UBTF: variants seen among roughly 807,000 people sequenced by gnomAD.
UBTF encodes nucleolar transcription factor 1.
A neutral mutation model predicts 112.3 loss-of-function variants in UBTF; 8 were observed. The ratio of observed to expected loss-of-function variants is 0.07; its 90% CI spans 0.04 to 0.13. The LOEUF (loss-of-function observed/expected upper bound fraction) is 0.13, where lower values mean the gene tolerates loss of function less well. Among genes scored for constraint, UBTF ranks in the 10% least tolerant of loss-of-function variants. The pLI, the probability that UBTF is intolerant of heterozygous loss-of-function variation, is 1.00. For synonymous variants in UBTF, 417 were observed against 373.1 expected, an observed-to-expected ratio of 1.12 and a Z score of -1.36; for missense variants, 457 against 982.1, an observed-to-expected ratio of 0.47 and a Z score of 7.15.
rs1163448752 is a variant in UBTF, at chr17:44,209,719, C to G, written c.1641G>C (p.Glu547Asp). Reference protein sequence around the residue: ...DQKRYERELSEMRAPPAATNS... With the variant: ...DQKRYERELSDMRAPPAATNS... ...TTGTAGCAGCTGGAGGTGCCCGCAT[C>G]TCACTCAGCTCTCTCTGGAGGGAGA... Residue 547 changes from glutamate to aspartate, a missense_variant, in exon 16 of 21, where the codon GAG (glutamate) becomes GAC (aspartate). Glu to Asp is a conservative substitution (Grantham distance 45, BLOSUM62 2). This residue lies in a region of UBTF where 77 missense variants were observed against 211.9 expected (regional missense o/e 0.36). Transcript: ENST00000436088. 6.2e-7 allele frequency: 1 copy of G among 1,614,060 alleles called. No individual in the cohort carries two copies. Among genetic ancestry groups the G allele is most frequent in the Non-Finnish European group, 8.5e-7 (1 of 1,180,032 alleles).
chr17:44,208,522 C>G (rs2056427981), intron 17 of UBTF: 1 of 154,496 alleles, frequency 6.5e-6, no homozygotes, highest in South Asian at 1.9e-4. Flanking sequence ...GAGTCTTCCT[C>G]ACTCCAAAGA....
chr17:44,211,752 C>A lies in UBTF; in HGVS notation c.906-5G>T, dbSNP rs750154655. The A allele has an allele frequency of 1.9e-6, 3 of 1,604,850 alleles. No individual in the cohort carries two copies. The highest frequency in any genetic ancestry group is 1.7e-5 in the Admixed American group (1 of 59,906). ...CAGTACAGCGAGTAGCTGTTCCTAT[C>A]AGAGCCGCGGGGAGAGAGGTGCAGC... On this transcript the variant is annotated splice_polypyrimidine_tract_variant and splice_region_variant and intron_variant, in intron 9 of 20. Transcript: ENST00000436088. The surrounding 1 kb of genome is among the most constrained non-coding windows in gnomAD (Gnocchi z 4.9).
rs2047063102 is a variant in UBTF at position 44,219,609 on chromosome 17, GC to G, written c.-233del. On this transcript the variant is annotated 5_prime_UTR_variant, in exon 1 of 21. Coordinates refer to ENST00000436088, the MANE Select transcript of UBTF (RefSeq NM_014233.4). Reference sequence around the variant, plus strand: ...CGGCGCTGGGGCGGCGGCTGCTGCTGCTGTGGCGGCGGCGGCGGCGGCGGCG... The same window carrying G: ...CGGCGCTGGGGCGGCGGCTGCTGCTGTGTGGCGGCGGCGGCGGCGGCGGCG... 15 of 48,148 alleles carry G rather than the reference GC, an allele frequency of 3.1e-4. No individual in the cohort carries two copies. Among genetic ancestry groups the G allele is most frequent in the Non-Finnish European group, 4.9e-4 (15 of 30,340 alleles). 3.0% of individuals were successfully genotyped at this position (48,148 alleles called of 1,614,324 possible). A position where few individuals can be genotyped will look rare whatever the true frequency, so the allele number is the denominator to read the frequency against.
rs1026343701 is a variant in UBTF, at chr17:44,211,811, T to A, written c.905+62A>T. ...GAGCAGGGCAGCAGGCCTTCTCACCTGCAGAGCCCAGCCCAACTTCCCAGC... is the reference window on the plus strand; with the variant it reads ...GAGCAGGGCAGCAGGCCTTCTCACCAGCAGAGCCCAGCCCAACTTCCCAGC... On this transcript the variant is annotated intron_variant, in intron 9 of 20. Transcript: ENST00000436088. This position sits in a 1 kb window ranked among gnomAD's most constrained non-coding sequence, Gnocchi z 4.9. The A allele has an allele frequency of 1.9e-6, 3 of 1,600,912 alleles. No homozygotes were observed. Among genetic ancestry groups the A allele is most frequent in the African/African-American group, 2.7e-5 (2 of 74,780 alleles).
In UBTF at chr17:44,219,619, C is replaced by CGGCGGCTGCTGCTGCTGT. The variant is rs1555587200; in HGVS notation, c.-243_-242insACAGCAGCAGCAGCCGCC. On this transcript the variant is annotated 5_prime_UTR_variant, in exon 1 of 21. Transcript: ENST00000436088. ...GCGGCGGCTGCTGCTGCTGTGGCGG[C>CGGCGGCTGCTGCTGCTGT]GGCGGCGGCGGCGGCGGCTGTGGCT... 1 of 532 alleles carries CGGCGGCTGCTGCTGCTGT rather than the reference C, an allele frequency of 1.9e-3. No homozygotes were observed. Among genetic ancestry groups the CGGCGGCTGCTGCTGCTGT allele is most frequent in the Non-Finnish European group, 4.4e-3 (1 of 228 alleles). 0.0% of individuals were successfully genotyped at this position (532 alleles called of 1,614,324 possible).
At chr17:44,216,814 T>G in intron 2 of UBTF, 110 bp from the exon 3 acceptor site, 1 of 1,106,094 alleles carries the variant, frequency 9.0e-7, no homozygotes, top group Non-Finnish European at 1.3e-6. Context: ...CAGCCCCTGG[T>G]TGCTTCCCAT....
At position 44,211,326 on chromosome 17, in the gene UBTF, C is replaced by T; in HGVS notation, c.1053G>A (p.Lys351=). ...GGAGCAGCTCCACCTCGTAATCTTT[C>T]TTTTTCTGGGAAAGTGAGTGGAGTC... ...DAYHKKCDQK[K]KDYEVELLRF... Residue 351 remains lysine, a synonymous_variant, in exon 11 of 21, where the codon AAG becomes AAA. Transcript: ENST00000436088. The surrounding 1 kb of genome is among the most constrained non-coding windows in gnomAD (Gnocchi z 4.9). 1 of 1,614,164 alleles carries T rather than the reference C, an allele frequency of 6.2e-7. No individual in the cohort carries two copies. Among genetic ancestry groups the T allele is most frequent in the Middle Eastern group, 1.7e-4 (1 of 6,030 alleles).
At chr17:44,213,026 G>A (rs752182877) in intron 6 of UBTF, 87 bp from the exon 7 acceptor site, 149 of 1,574,728 alleles carry the variant, frequency 9.5e-5, no homozygotes, top group Non-Finnish European at 1.3e-4. Context: ...AGCCTCCTGG[G>A]CCTTTCAGCT....
rs2229285 is a variant in UBTF, at chr17:44,207,133, G to T, written c.*109C>A. The T allele has an allele frequency of 3.9e-5, 47 of 1,219,672 alleles. No individual in the cohort carries two copies. Among genetic ancestry groups the T allele is most frequent in the Non-Finnish European group, 5.1e-5 (45 of 875,166 alleles). The allele number at this position is 1,219,672 out of a possible 1,614,324, so 75.6% of individuals were successfully genotyped here. A position where few individuals can be genotyped will look rare whatever the true frequency, so the allele number is the denominator to read the frequency against. ...TTTTTTTTAAAGAAAGAAAGAAAGT[G>T]GGGGAGGCCAGGGGGGCAAGGGACA... On this transcript the variant is annotated 3_prime_UTR_variant, in exon 21 of 21. Transcript: ENST00000436088.
At chr17:44,215,308 T>C (rs2046792429) in intron 5 of UBTF, 2 of 236,256 alleles carry the variant, frequency 8.5e-6, no homozygotes, top group Admixed American at 5.1e-5. Flanking sequence ...AATGAGACCA[T>C]GACGGGAAAC....
chr17:44,218,127 G>GA (rs776770354), intron 2 of UBTF, 45 bp downstream of exon 2: 1 of 1,596,296 alleles, frequency 6.3e-7, no homozygotes. Context: ...AGCCACGAGG[G>GA]AAAGAGGGTT....
upstream of UBTF, chr17:44,221,066 C>T (rs2047165366): frequency 6.6e-6 from 1 of 151,114 alleles, no homozygotes; most frequent in Admixed American, 6.6e-5. Context: ...TCACCCCTTC[C>T]CTCCCACTGC....
upstream of UBTF, chr17:44,220,734 A>T (rs1368899295): frequency 1.3e-5 from 2 of 151,414 alleles, no homozygotes; most frequent in African/African-American, 4.9e-5. Flanking sequence ...TCCCGGGCTC[A>T]CTTACCGAGC....
chr17:44,213,300 T>TG lies in UBTF; in HGVS notation c.475-19dup, dbSNP rs2046671026. The TG allele has an allele frequency of 6.2e-7, 1 of 1,611,970 alleles. No homozygotes were observed. The highest frequency in any genetic ancestry group is 8.5e-7 in the Non-Finnish European group (1 of 1,178,998). On this transcript the variant is annotated intron_variant, in intron 5 of 20. Coordinates refer to ENST00000436088, the MANE Select transcript of UBTF (RefSeq NM_014233.4). ...TATTTCATCTGGGGGGAGGAGGGGA[T>TG]GGGGTCACTCAGGACCCAAGGGTAT...
In UBTF at chr17:44,207,886, G is replaced by A. The variant is rs2056364610; in HGVS notation, c.1931C>T (p.Ala644Val). Residue 644 changes from alanine (A) to valine (V), a missense_variant, in exon 18 of 21, where the codon GCA becomes GTA. Transcript: ENST00000436088. ...VKSLSPQDRAAYKEYISNKRK... is the reference protein window; with the variant it reads ...VKSLSPQDRAVYKEYISNKRK... The stretch of plus-strand genomic sequence containing the variant: ...CACATTGGAGATGTACTCTTTATAT[G>A]CTGCACGGTCCTGGGGAGACAGGCT... 1 of 1,613,822 alleles carries A rather than the reference G, an allele frequency of 6.2e-7. No homozygotes were observed. Among genetic ancestry groups the A allele is most frequent in the African/African-American group, 1.3e-5 (1 of 74,860 alleles).
rs1567793041 is a variant in UBTF, at chr17:44,210,227, C to A, written c.1523G>T (p.Arg508Leu). The A allele has an allele frequency of 6.2e-7, 1 of 1,614,124 alleles. No homozygotes were observed. The highest frequency in any genetic ancestry group is 1.3e-5 in the African/African-American group (1 of 74,952). Residue 508 changes from arginine to leucine, a missense_variant, in exon 15 of 21, where the codon CGG becomes CTG. Arg to Leu is a moderately radical substitution (Grantham distance 102, BLOSUM62 -2). Coordinates refer to ENST00000436088, the MANE Select transcript of UBTF (RefSeq NM_014233.4). ...TTCCATGGCTTTCAAGGCCTTCACC[C>A]GGTCATTCTGGGGACCAATAAGGGT... The part of the protein sequence containing the change: ...GDYLARFKND[R>L]VKALKAMEMT...
intron 15 of UBTF, 113 bp from the exon 16 acceptor site, chr17:44,209,846 G>A: frequency 4.3e-6 from 5 of 1,153,954 alleles, no homozygotes; most frequent in South Asian, 2.8e-5. Flanking sequence ...CCAGGGAGGA[G>A]GAGAAACAGG....
intron 5 of UBTF, 38 bp from the exon 6 acceptor site, chr17:44,213,320 G>A (rs537053698): frequency 2.5e-6 from 4 of 1,601,680 alleles, no homozygotes; most frequent in South Asian, 1.1e-5. Context: ...CAGGACCCAA[G>A]GGTATCTCAC....
In UBTF at chr17:44,211,684, C is replaced by T. The variant is rs373998778; in HGVS notation, c.969G>A (p.Glu323=). 2 of 1,610,526 alleles carry T rather than the reference C, an allele frequency of 1.2e-6. No homozygotes were observed. The highest frequency in any genetic ancestry group is 1.3e-5 in the African/African-American group (1 of 74,958). The change falls in exon 10 of 21, where the codon GAG becomes GAA. Residue 323 remains glutamate (E), a synonymous_variant. Coordinates refer to ENST00000436088, the MANE Select transcript of UBTF (RefSeq NM_014233.4). This position sits in a 1 kb window ranked among gnomAD's most constrained non-coding sequence, Gnocchi z 4.9. ...ACTGCTGGCTGCACAGCACCATGCG[C>T]TCTGTGCTGGGCACGTCCTTCATGT... ...MANMKDVPST[E]RMVLCSQQWK... is the part of the protein sequence containing the mutation.
Sources: gnomAD v4.1 joint callset for allele counts on GRCh38, gnomAD v4.1.1 for gene constraint, gnomAD v4.1.1 regional missense constraint, Gnocchi (gnomAD v3.1) non-coding constraint, MANE v1.5 for transcripts, NCBI Gene and HGNC (gene_info 2026-07-23, HGNC 2026-07-21) for gene names.